Variants in OR4K1 observed in about 807,000 individuals in gnomAD.
The protein encoded by OR4K1 is olfactory receptor 4K1.
OR4K1 carries 16 observed loss-of-function variants against 14.4 expected under a neutral mutation model. That is an observed-to-expected ratio of 1.11 (90% CI 0.75 to 1.68). The LOEUF (loss-of-function observed/expected upper bound fraction) is 1.68. Ranked by LOEUF, OR4K1 falls within the 40% of genes most tolerant of loss-of-function variation. The pLI, the probability that OR4K1 is intolerant of heterozygous loss-of-function variation, is 0.00. For missense variants in OR4K1, 548 were observed against 376.9 expected, an observed-to-expected ratio of 1.45 and a Z score of -3.76; for synonymous variants, 181 against 133.1, an observed-to-expected ratio of 1.36 and a Z score of -2.48.
rs755646328 is a variant in OR4K1, at chr14:19,936,008, G to C, written c.342G>C (p.Leu114Phe). The C allele has an allele frequency of 8.1e-6, 13 of 1,614,114 alleles. No homozygotes were observed. The highest frequency in any genetic ancestry group is 8.5e-7 in the Non-Finnish European group (1 of 1,180,054). ...GTTTTGTTGGGAGTGAGATGATGTT[G>C]CTTGTAGCTATGGCATATGACAGAT... The part of the protein sequence containing the change: ...LHSFVGSEMM[L>F]LVAMAYDRFI... The change falls in exon 2 of 2, where the codon TTG (leucine) becomes TTC (phenylalanine). Residue 114 changes from leucine to phenylalanine, a missense_variant. Coordinates refer to ENST00000641172, the MANE Select transcript of OR4K1 (RefSeq NM_001004063.3).
At chr14:19,921,009 A>T in the OR4K1 span, 1 of 1,614,206 alleles carries the variant, frequency 6.2e-7, no homozygotes, top group Non-Finnish European at 8.5e-7. Context: ...CTATGTGGTC[A>T]TCATGAGCCG....
upstream of OR4K1, among the ~76,000 whole-genome samples, chr14:19,928,189 G>T (rs1882100616): frequency 6.6e-6 from 1 of 152,234 alleles, no homozygotes; most frequent in South Asian, 2.1e-4. Context: ...ACAAGGCATA[G>T]ATTGGACTCT....
At chr14:19,932,196 T>A (rs1371979425) in intron 1 of OR4K1, among the ~76,000 whole-genome samples, 2 of 152,260 alleles carry the variant, frequency 1.3e-5, no homozygotes, top group African/African-American at 2.4e-5. Flanking sequence ...GAAATTTGGA[T>A]ATTTTCAAAA....
Position 19,936,414 on chromosome 14 carries a change from T to C in OR4K1, c.748T>C (p.Phe250Leu). ...TGCCCACATCACAGTGGTCATTCTT[T>C]TCTTCGGGCCTTGCATTTATTTCTA... ...LTAHITVVILFFGPCIYFYIW... is the reference protein window; with the variant it reads ...LTAHITVVILLFGPCIYFYIW... The change falls in exon 2 of 2, where the codon TTC becomes CTC. Residue 250 changes from phenylalanine (F) to leucine (L), a missense_variant. Transcript: ENST00000641172. 1 of 1,614,214 alleles carries C rather than the reference T, an allele frequency of 6.2e-7. No homozygotes were observed. The highest frequency in any genetic ancestry group is 8.5e-7 in the Non-Finnish European group (1 of 1,180,040).
At chr14:19,929,533 T>A (rs979579033), upstream of OR4K1, among the ~76,000 whole-genome samples, 5 of 152,134 alleles carry the variant, frequency 3.3e-5, no homozygotes, top group South Asian at 8.3e-4. Flanking sequence ...ATTTCTTGTC[T>A]ACTGTCACAC....
chr14:19,920,985 T>G, the OR4K1 span: 1 of 1,614,204 alleles, frequency 6.2e-7, no homozygotes, highest in Non-Finnish European at 8.5e-7. Flanking sequence ...TGTAGCCATA[T>G]GCAAACCCTT....
the OR4K1 span, among the ~76,000 whole-genome samples, chr14:19,925,425 T>TAACC: frequency 6.6e-6 from 1 of 152,376 alleles, no homozygotes; most frequent in Admixed American, 6.5e-5. Context: ...TTCTTCACGA[T>TAACC]AACCCATACA....
At chr14:19,925,547 TA>T in the OR4K1 span, among the ~76,000 whole-genome samples, 4 of 152,266 alleles carry the variant, frequency 2.6e-5, no homozygotes, top group Non-Finnish European at 5.9e-5. Flanking sequence ...CTGAATATTT[TA>T]AAAAGTAAGA....
rs192009661 is a variant in OR4K1, at chr14:19,934,606, C to T, written c.-19-1042C>T. 1.5e-4 allele frequency among the ~76,000 whole-genome samples: 23 copies of T among 152,312 alleles called. 4 individuals carry two copies. The highest frequency in any genetic ancestry group is 1.5e-3 in the Admixed American group (23 of 15,296). On this transcript the variant is annotated intron_variant, in intron 1 of 1. Transcript: ENST00000641172. ...TTCAGAGAAATTTTCAGAGTGTAAC[C>T]ATTGGCTCTTCCTTCTCTATTATAG... is the stretch of plus-strand genomic sequence containing the variant.
chr14:19,925,600 TGA>T, the OR4K1 span, among the ~76,000 whole-genome samples: 1 of 152,282 alleles, frequency 6.6e-6, no homozygotes, highest in Middle Eastern at 3.2e-3. Context: ...ATTTGTTTCC[TGA>T]GATCTCACAA....
intron 1 of OR4K1, among the ~76,000 whole-genome samples, chr14:19,932,632 A>C (rs1882210377): frequency 6.6e-6 from 1 of 152,248 alleles, no homozygotes; most frequent in Non-Finnish European, 1.5e-5. Context: ...TTGTTTGTCC[A>C]AAAGCATCTC....
chr14:19,929,158 T>A (rs1882128025), upstream of OR4K1, among the ~76,000 whole-genome samples: 1 of 151,252 alleles, frequency 6.6e-6, no homozygotes. Flanking sequence ...TATAACTGTA[T>A]GCAGATAGAA....
In OR4K1 at chr14:19,935,801, T is replaced by C; in HGVS notation, c.135T>C (p.Ile45=). ...CATCAGTGCTAGGCAATGTCTTAAT[T>C]ATTGTCATTATTTCTTTTGACTCCC... ...YVTSVLGNVL[I]IVIISFDSHL... Residue 45 remains isoleucine (I), a synonymous_variant, in exon 2 of 2, where the codon ATT becomes ATC. Coordinates refer to ENST00000641172, the MANE Select transcript of OR4K1 (RefSeq NM_001004063.3). The C allele has an allele frequency of 6.2e-7, 1 of 1,614,194 alleles. No homozygotes were observed. The highest frequency in any genetic ancestry group is 8.5e-7 in the Non-Finnish European group (1 of 1,180,024).
At chr14:19,921,992 G>C in the OR4K1 span, among the ~76,000 whole-genome samples, 3 of 152,138 alleles carry the variant, frequency 2.0e-5, no homozygotes, top group Admixed American at 2.0e-4. Flanking sequence ...ACTGAATTTT[G>C]CCAACTTCAG....
At chr14:19,928,676 A>C (rs1191423595), upstream of OR4K1, among the ~76,000 whole-genome samples, 1 of 152,054 alleles carries the variant, frequency 6.6e-6, no homozygotes, top group Non-Finnish European at 1.5e-5. Context: ...TTCTATTTAG[A>C]TTTTCATTGA....
chr14:19,920,623 C>G, the OR4K1 span: 2 of 1,609,538 alleles, frequency 1.2e-6, no homozygotes, highest in Non-Finnish European at 1.7e-6. Flanking sequence ...AAGTCCAATT[C>G]TTCAGTGGTG....
At chr14:19,930,136 T>C (rs1594453615), upstream of OR4K1, among the ~76,000 whole-genome samples, 1 of 152,148 alleles carries the variant, frequency 6.6e-6, no homozygotes, top group East Asian at 1.9e-4. Context: ...AATTTATATA[T>C]ATATATGTAC....
At chr14:19,922,077 C>CGG in the OR4K1 span, among the ~76,000 whole-genome samples, 152 of 129,510 alleles carry the variant, frequency 1.2e-3, no homozygotes, top group South Asian at 0.027. Flanking sequence ...ACTCCCCCCC[C>CGG]CAAAAATCAA....
the OR4K1 span, among the ~76,000 whole-genome samples, chr14:19,923,628 T>A: frequency 6.6e-6 from 1 of 152,230 alleles, no homozygotes; most frequent in African/African-American, 2.4e-5. Flanking sequence ...AAATGTAACT[T>A]GCAAAACAAC....
Sources: gnomAD v4.1 joint callset for allele counts (sites outside exome capture counted in the v4.1 genomes callset) on GRCh38, gnomAD v4.1.1 for gene constraint, MANE v1.5 for transcripts, NCBI Gene and HGNC (gene_info 2026-07-23, HGNC 2026-07-21) for gene names.